The following PTPRN2 variants were observed in gnomAD, a reference collection of about 807,000 sequenced individuals.
PTPRN2 encodes the protein protein tyrosine phosphatase receptor type N2, also known as receptor-type tyrosine-protein phosphatase N2.
A neutral mutation model predicts 118.8 loss-of-function variants in PTPRN2; 74 were observed. That is an observed-to-expected ratio of 0.62 (90% CI 0.52 to 0.76). The LOEUF is 0.76. PTPRN2 is among the 30% of genes least tolerant of loss of function. The pLI is 0.00. For missense variants in PTPRN2, 1,481 were observed against 1,394.4 expected (o/e 1.06, Z -0.99); for synonymous variants, 641 against 608.0 (o/e 1.05, Z -0.80).
intron 3 of PTPRN2, among the ~76,000 whole-genome samples, chr7:158,267,203 G>A (rs763822289): frequency 1.4e-4 from 21 of 152,228 alleles, no homozygotes; most frequent in Non-Finnish European, 2.4e-4. Context: ...TCAGGAAAAG[G>A]GACCTGCCAA....
At chr7:157,931,735 A>G (rs1269335834) in intron 11 of PTPRN2, among the ~76,000 whole-genome samples, 1 of 152,090 alleles carries the variant, frequency 6.6e-6, no homozygotes, top group Non-Finnish European at 1.5e-5. Flanking sequence ...AGCTAAATTG[A>G]ATAAATGACT....
At chr7:158,267,611 G>A (rs1797970539) in intron 3 of PTPRN2, among the ~76,000 whole-genome samples, 1 of 152,188 alleles carries the variant, frequency 6.6e-6, no homozygotes, top group African/African-American at 2.4e-5. Context: ...CCGTGGCCTG[G>A]GGGCCTGCCC....
chr7:157,983,690 G>T (rs1015344710), intron 11 of PTPRN2, among the ~76,000 whole-genome samples: 7 of 152,214 alleles, frequency 4.6e-5, no homozygotes, highest in Non-Finnish European at 1.0e-4. Context: ...ACGTGAGCTT[G>T]TGAGTGTAGG....
chr7:158,055,436 G>A (rs554058243), intron 11 of PTPRN2, among the ~76,000 whole-genome samples: 1 of 152,238 alleles, frequency 6.6e-6, no homozygotes, highest in African/African-American at 2.4e-5. Context: ...TTTCCCTGGG[G>A]GAGTTTAGAG....
chr7:158,523,593 CTGCCCTGGAGCAGAG>C (rs1824443572), intron 1 of PTPRN2, among the ~76,000 whole-genome samples: 1 of 138,174 alleles, frequency 7.2e-6, no homozygotes, highest in African/African-American at 2.8e-5. Flanking sequence ...GTGGAGTCAT[CTGCCCTGGAGCAGAG>C]TCTGCCCTGG....
rs116227541 is a variant in PTPRN2, at chr7:157,750,816, C to T, written c.1789-67879G>A. Reference sequence around the variant, plus strand: ...AACAGCTGGAAGGAAGGGTGTAAAGCCCGCCTGAGATGGCTTCCTCAGGGT... The same window carrying T: ...AACAGCTGGAAGGAAGGGTGTAAAGTCCGCCTGAGATGGCTTCCTCAGGGT... On this transcript the variant is annotated intron_variant, in intron 12 of 22. Transcript: ENST00000389418. Among the ~76,000 whole-genome samples, 1,238 of 152,330 alleles carry T rather than the reference C, an allele frequency of 8.1e-3. 18 individuals are homozygous for T. Among genetic ancestry groups the T allele is most frequent in the African/African-American group, 0.028 (1,154 of 41,576 alleles).
intron 11 of PTPRN2, among the ~76,000 whole-genome samples, chr7:158,033,992 G>C (rs1238490564): frequency 6.6e-6 from 1 of 150,962 alleles, no homozygotes; most frequent in African/African-American, 2.4e-5. Context: ...TAGAAACTCT[G>C]CACTCTGAGA....
At chr7:158,190,769 G>A (rs1373538652) in intron 5 of PTPRN2, among the ~76,000 whole-genome samples, 1 of 152,266 alleles carries the variant, frequency 6.6e-6, no homozygotes, top group Non-Finnish European at 1.5e-5. Context: ...GGCACCCCGT[G>A]GCCCCTGCAT....
chr7:158,216,523 T>C (rs1167679174), intron 3 of PTPRN2, among the ~76,000 whole-genome samples: 1 of 152,008 alleles, frequency 6.6e-6, no homozygotes, highest in Admixed American at 6.6e-5. Context: ...TTTTTAAAAA[T>C]ATATCATGTA....
At chr7:158,175,771 C>G (rs1372455339) in intron 5 of PTPRN2, among the ~76,000 whole-genome samples, 2 of 152,198 alleles carry the variant, frequency 1.3e-5, no homozygotes, top group Admixed American at 1.3e-4. Flanking sequence ...AAGTCCTAAA[C>G]TACTTGGGAT....
chr7:158,488,913 C>G (rs1821230005), intron 2 of PTPRN2, among the ~76,000 whole-genome samples: 1 of 152,238 alleles, frequency 6.6e-6, no homozygotes, highest in Admixed American at 6.5e-5. Flanking sequence ...GTTTAACCCT[C>G]CCCTGCGCGT....
In PTPRN2 at chr7:157,736,744, C is replaced by T. The variant is rs572137614; in HGVS notation, c.1789-53807G>A. Among the ~76,000 whole-genome samples the T allele has an allele frequency of 6.6e-5, 10 of 152,274 alleles. No individual in the cohort carries two copies. The East Asian group carries it at 1.4e-3, about 21-fold the overall frequency. ...GAGGCTTGGTGTCCGCCCCTGGCCA[C>T]GGAGTCTCGTGTCTCCTGCTCTTTC... is the stretch of plus-strand genomic sequence containing the variant. On this transcript the variant is annotated intron_variant, in intron 12 of 22. Coordinates refer to ENST00000389418, the MANE Select transcript of PTPRN2 (RefSeq NM_002847.5).
intron 3 of PTPRN2, among the ~76,000 whole-genome samples, chr7:158,274,357 C>CGGG (rs1798800419): frequency 7.2e-5 from 4 of 55,622 alleles, no homozygotes; most frequent in Non-Finnish European, 1.4e-4. Flanking sequence ...GCCACAGACA[C>CGGG]AGGGGGAGCC....
In PTPRN2 at chr7:158,177,160, C is replaced by T. The variant is rs1051918613; in HGVS notation, c.550-9869G>A. Among the ~76,000 whole-genome samples, 5 of 152,344 alleles carry T rather than the reference C, an allele frequency of 3.3e-5. No homozygotes were observed. In the South Asian group the frequency reaches 8.3e-4, roughly 25 times the overall value. On this transcript the variant is annotated intron_variant, in intron 5 of 22. Coordinates refer to ENST00000389418, the MANE Select transcript of PTPRN2 (RefSeq NM_002847.5). ...GTCCAAGGACAGACGTATCTTTAGCCTTTAAGCAGCTTCCAAATACAGGTT... is the reference window on the plus strand; with the variant it reads ...GTCCAAGGACAGACGTATCTTTAGCTTTTAAGCAGCTTCCAAATACAGGTT...
rs768141785 is a variant in PTPRN2, at chr7:158,373,194, C to T, written c.164-56262G>A. On this transcript the variant is annotated intron_variant, in intron 2 of 22. Transcript: ENST00000389418. ...CTAATATGACAGCAGATGTGCTTTC[C>T]TCTGACGCCCGTACGCTGCGGAATC... is the stretch of plus-strand genomic sequence containing the variant. 4.6e-5 allele frequency among the ~76,000 whole-genome samples: 7 copies of T among 152,236 alleles called. 1 individual carries two copies. The South Asian group carries it at 6.2e-4, about 14-fold the overall frequency.
intron 2 of PTPRN2, among the ~76,000 whole-genome samples, chr7:158,431,459 A>ACACACTGGCT (rs1400263514): frequency 7.1e-6 from 1 of 140,284 alleles, no homozygotes; most frequent in South Asian, 2.4e-4. Context: ...CTCACACGAC[A>ACACACTGGCT]CACACTGGGC....
intron 11 of PTPRN2, among the ~76,000 whole-genome samples, chr7:158,038,974 G>T (rs1320849431): frequency 6.6e-6 from 1 of 152,094 alleles, no homozygotes; most frequent in East Asian, 1.9e-4. Flanking sequence ...ACAGACAAAT[G>T]AAAATTGTAA....
Position 158,341,547 on chromosome 7 carries a change from T to TCACCATAAGAGGTGACACCC in PTPRN2, c.164-24616_164-24615insGGGTGTCACCTCTTATGGTG, listed in dbSNP as rs1563177898. 7.9e-4 allele frequency among the ~76,000 whole-genome samples: 15 copies of TCACCATAAGAGGTGACACCC among 19,064 alleles called. 1 individual carries two copies. The highest frequency in any genetic ancestry group is 1.4e-3 in the African/African-American group (6 of 4,230). The allele number at this position is 19,064 out of a possible 152,430, so 12.5% of individuals were successfully genotyped here. On this transcript the variant is annotated intron_variant, in intron 2 of 22. Transcript: ENST00000389418. ...CACTCTCACCATAAGAGGTGACATC[T>TCACCATAAGAGGTGACACCC]GCAGACGTCACTCACACCCACACTC...
chr7:158,146,448 T>A (rs1199309845), intron 6 of PTPRN2, among the ~76,000 whole-genome samples: 1 of 152,016 alleles, frequency 6.6e-6, no homozygotes, highest in East Asian at 1.9e-4. Flanking sequence ...TAGGCTGGGC[T>A]TGGTGGCTCA....
Sources: allele counts gnomAD v4.1 joint callset (sites outside exome capture counted in the v4.1 genomes callset), GRCh38; gene constraint gnomAD v4.1.1; transcripts MANE v1.5; gene names NCBI Gene and HGNC (gene_info 2026-07-23, HGNC 2026-07-21).